CACNA2D4: variants seen among roughly 807,000 people sequenced by gnomAD.
The protein encoded by CACNA2D4 is calcium voltage-gated channel auxiliary subunit alpha2delta 4.
In CACNA2D4, 157 loss-of-function variants were observed where a neutral mutation model predicts 163.8. That is an observed-to-expected ratio of 0.96 (90% CI 0.84 to 1.09). The LOEUF is 1.09. CACNA2D4 is among the 50% of genes least tolerant of loss of function. The pLI is 0.00. For synonymous variants in CACNA2D4, 598 were observed against 586.9 expected (o/e 1.02, Z -0.27); for missense variants, 1,410 against 1,479.9 (o/e 0.95, Z 0.78).
intron 4 of CACNA2D4, 94 bp downstream of exon 4, chr12:1,909,812 C>T (rs1037255221): frequency 1.3e-5 from 13 of 980,502 alleles, no homozygotes; most frequent in African/African-American, 6.4e-5. Flanking sequence ...ATCAGTGGAT[C>T]GCCACCCTAC....
intron 6 of CACNA2D4, among the ~76,000 whole-genome samples, chr12:1,904,180 C>T (rs564815655): frequency 6.6e-6 from 1 of 151,796 alleles, no homozygotes; most frequent in Admixed American, 6.6e-5. Context: ...ACAACTGAAC[C>T]CATAGAGATA....
Position 1,802,015 on chromosome 12 carries a change from CTGTGTG to C in CACNA2D4, c.2722-377_2722-372del, listed in dbSNP as rs60739615. 0.084 allele frequency among the ~76,000 whole-genome samples: 12,167 copies of C among 144,148 alleles called. 590 individuals carry two copies. Among genetic ancestry groups the C allele is most frequent in the East Asian group, 0.14 (651 of 4,772 alleles). The allele number at this position is 144,148 out of a possible 152,430, so 94.6% of individuals were successfully genotyped here. The stretch of plus-strand genomic sequence containing the variant: ...TATGAAACTGGATTTGTTTTATATG[CTGTGTG>C]TGTGTGTGTGTGTGTGTGTGTGTGT... On this transcript the variant is annotated intron_variant, in intron 29 of 37. Coordinates refer to ENST00000382722, the MANE Select transcript of CACNA2D4 (RefSeq NM_172364.5). This position sits in a 1 kb window ranked among gnomAD's most constrained non-coding sequence, Gnocchi z 4.7.
In CACNA2D4 at chr12:1,828,556, G is replaced by A. The variant is rs1172327615; in HGVS notation, c.2551+12183C>T. Among the ~76,000 whole-genome samples, 1 of 152,248 alleles carries A rather than the reference G, an allele frequency of 6.6e-6. No homozygotes were observed. Among genetic ancestry groups the A allele is most frequent in the African/African-American group, 2.4e-5 (1 of 41,454 alleles). On this transcript the variant is annotated intron_variant, in intron 26 of 37. Coordinates refer to ENST00000382722, the MANE Select transcript of CACNA2D4 (RefSeq NM_172364.5). This position sits in a 1 kb window ranked among gnomAD's most constrained non-coding sequence, Gnocchi z 4.2. ...ATGCAGGCCTGCTGAGTCTTAAACA[G>A]CCTCACTGGTGCCTGAGCTTGTCGG...
At chr12:1,836,118 C>T (rs1185981486) in intron 26 of CACNA2D4, 1 of 152,312 alleles carries the variant, frequency 6.6e-6, no homozygotes, top group Non-Finnish European at 1.5e-5. Context: ...CAGTGTGGCT[C>T]CCTAGAGCAC....
chr12:1,830,823 G>A (rs1295855919), intron 26 of CACNA2D4: 2 of 869,870 alleles, frequency 2.3e-6, no homozygotes, highest in African/African-American at 1.7e-5. Flanking sequence ...TGTGGCTTGT[G>A]CCAAAGGAGA....
At chr12:1,863,897 C>CAA (rs34899618) in intron 18 of CACNA2D4, among the ~76,000 whole-genome samples, 15,426 of 143,174 alleles carry the variant, frequency 0.11, 832 homozygotes, top group Middle Eastern at 0.16. Flanking sequence ...AATCACTTTA[C>CAA]AAAAAAAAAA....
Position 1,883,913 on chromosome 12 carries a change from G to A in CACNA2D4, c.1351+330C>T. 3.1e-6 allele frequency: 1 copy of A among 318,740 alleles called. No homozygotes were observed. The highest frequency in any genetic ancestry group is 5.8e-6 in the Non-Finnish European group (1 of 171,834). The allele number at this position is 318,740 out of a possible 1,614,324, so 19.7% of individuals were successfully genotyped here. A position where few individuals can be genotyped will look rare whatever the true frequency, so the allele number is the denominator to read the frequency against. ...CAGTGAATTTTTGTTGAATCAATGG[G>A]GTCTGGTCAGAGATAGATGAGGACC... is the stretch of plus-strand genomic sequence containing the variant. On this transcript the variant is annotated intron_variant, in intron 12 of 37. Coordinates refer to ENST00000382722, the MANE Select transcript of CACNA2D4 (RefSeq NM_172364.5). This position sits in a 1 kb window ranked among gnomAD's most constrained non-coding sequence, Gnocchi z 4.5.
chr12:1,899,588 T>C (rs770919646), intron 6 of CACNA2D4, among the ~76,000 whole-genome samples: 2 of 152,050 alleles, frequency 1.3e-5, no homozygotes, highest in African/African-American at 2.4e-5. Context: ...TTCTAAGAAA[T>C]AGAAAGCCAC....
At chr12:1,863,243 G>C (rs1196887580) in intron 18 of CACNA2D4, among the ~76,000 whole-genome samples, 1 of 152,190 alleles carries the variant, frequency 6.6e-6, no homozygotes, top group African/African-American at 2.4e-5. Context: ...GATAATATAT[G>C]TGTGGGCTAT....
intron 29 of CACNA2D4, 88 bp from the exon 30 acceptor site, chr12:1,801,732 A>C: frequency 2.2e-5 from 20 of 902,732 alleles, no homozygotes; most frequent in Non-Finnish European, 3.1e-5. Flanking sequence ...TATTCAGCTC[A>C]GGTCGAGGCT....
At chr12:1,854,191 G>A (rs1048247948) in intron 22 of CACNA2D4, 147 bp from the exon 23 acceptor site, 3 of 548,186 alleles carry the variant, frequency 5.5e-6, no homozygotes, top group Admixed American at 7.0e-5. Flanking sequence ...TGAGGGAGCT[G>A]CCTCACCTCT....
At position 1,846,637 on chromosome 12, in the gene CACNA2D4, G is replaced by A; in HGVS notation, c.2299C>T (p.Leu767=). The part of the protein sequence containing the change: ...MAFLGTRAGL[L]RSSLFVGSEK... Reference sequence around the variant, plus strand: ...GAGCCCACGAACAAGCTGCTTCTCAGGAGGCCAGCCCGGGTGCCCAGGAAG... The same window carrying A: ...GAGCCCACGAACAAGCTGCTTCTCAAGAGGCCAGCCCGGGTGCCCAGGAAG... Residue 767 remains leucine (L), a synonymous_variant, in exon 24 of 38, where the codon CTG becomes TTG. Transcript: ENST00000382722. 1 of 1,605,030 alleles carries A rather than the reference G, an allele frequency of 6.2e-7. No homozygotes were observed. The highest frequency in any genetic ancestry group is 1.1e-5 in the South Asian group (1 of 89,486).
At position 1,806,594 on chromosome 12, in the gene CACNA2D4, C is replaced by G. The variant is rs1037740132; in HGVS notation, c.2721+3684G>C. Among the ~76,000 whole-genome samples, 1 of 152,216 alleles carries G rather than the reference C, an allele frequency of 6.6e-6. No homozygotes were observed. The highest frequency in any genetic ancestry group is 1.5e-5 in the Non-Finnish European group (1 of 68,036). On this transcript the variant is annotated intron_variant, in intron 29 of 37. Transcript: ENST00000382722. The surrounding 1 kb of genome is among the most constrained non-coding windows in gnomAD (Gnocchi z 4.1). ...GCAGGGACAAGGAGTCGCTGGAAGC[C>G]TTTGACATATTTGCCTAGTCAGGAA...
In CACNA2D4 at chr12:1,834,423, C is replaced by A; in HGVS notation, c.2551+6316G>T. 1 of 1,612,950 alleles carries A rather than the reference C, an allele frequency of 6.2e-7. No homozygotes were observed. The highest frequency in any genetic ancestry group is 1.1e-5 in the South Asian group (1 of 91,068). On this transcript the variant is annotated intron_variant, in intron 26 of 37. Transcript: ENST00000382722. This position sits in a 1 kb window ranked among gnomAD's most constrained non-coding sequence, Gnocchi z 7.6. Reference sequence around the variant, plus strand: ...ATTCCTGGGCCACCCTGCACCAAGGCCAGTCCAGAGCCTGCTAAGCCCAAG... The same window carrying A: ...ATTCCTGGGCCACCCTGCACCAAGGACAGTCCAGAGCCTGCTAAGCCCAAG...
At chr12:1,910,765 T>C (rs1274284712) in intron 3 of CACNA2D4, among the ~76,000 whole-genome samples, 2 of 152,222 alleles carry the variant, frequency 1.3e-5, no homozygotes, top group South Asian at 4.1e-4. Flanking sequence ...GGTCACGTAT[T>C]GTATGATTCC....
chr12:1,871,244 T>TC (rs1865768553), intron 18 of CACNA2D4, among the ~76,000 whole-genome samples: 1 of 148,888 alleles, frequency 6.7e-6, no homozygotes, highest in Non-Finnish European at 1.5e-5. Flanking sequence ...CATGTGCTGC[T>TC]GGTGTGTGTA....
chr12:1,889,235 C>A (rs572390261), intron 6 of CACNA2D4, among the ~76,000 whole-genome samples: 2 of 152,238 alleles, frequency 1.3e-5, no homozygotes, highest in Admixed American at 6.5e-5. Context: ...GGAGGACTTA[C>A]TTTAAGAAGA....
At chr12:1,871,367 T>C (rs1458067384) in intron 18 of CACNA2D4, among the ~76,000 whole-genome samples, 2 of 140,456 alleles carry the variant, frequency 1.4e-5, no homozygotes, top group Admixed American at 1.5e-4. Flanking sequence ...TGTGTACATG[T>C]GTGTGCTGCT....
chr12:1,914,963 T>C (rs372046512), intron 1 of CACNA2D4, 28 bp from the exon 2 acceptor site: 10 of 1,457,982 alleles, frequency 6.9e-6, no homozygotes, highest in Non-Finnish European at 9.6e-6. Flanking sequence ...GACACGCGTA[T>C]ACACACACGT....
Sources: allele counts gnomAD v4.1 joint callset (sites outside exome capture counted in the v4.1 genomes callset), GRCh38; gene constraint gnomAD v4.1.1; non-coding constraint Gnocchi (gnomAD v3.1); transcripts MANE v1.5; gene names NCBI Gene and HGNC (gene_info 2026-07-23, HGNC 2026-07-21).